The following TRAP1 variants were observed in gnomAD, a reference collection of about 807,000 sequenced individuals.
TRAP1 encodes TNF receptor associated protein 1.
TRAP1 carries 102 observed loss-of-function variants against 89.1 expected under a neutral mutation model. The observed-to-expected ratio is 1.15, with a 90% CI of 0.98 to 1.35. The LOEUF (loss-of-function observed/expected upper bound fraction) is 1.35, where lower values mean the gene tolerates loss of function less well. Ranked by LOEUF, TRAP1 falls within the 40% of genes most tolerant of loss-of-function variation. TRAP1 has a pLI of 0.00. For missense variants in TRAP1, 1,256 were observed against 945.3 expected (o/e 1.33, Z -4.31); for synonymous variants, 508 against 388.0 (o/e 1.31, Z -3.64).
intron 12 of TRAP1, chr16:3,664,696 G>T (rs969930240): frequency 3.9e-6 from 2 of 517,428 alleles, no homozygotes; most frequent in Non-Finnish European, 3.4e-6. Context: ...TGGCCCAGGG[G>T]CTCTCCAGGG....
In TRAP1 at chr16:3,698,033, GA is replaced by G. The variant is rs528194524; in HGVS notation, c.89-7049del. Among the ~76,000 whole-genome samples the G allele has an allele frequency of 8.6e-5, 13 of 151,842 alleles. No individual in the cohort carries two copies. In the South Asian group the frequency reaches 2.7e-3, roughly 32 times the overall value. On this transcript the variant is annotated intron_variant, in intron 1 of 17. Transcript: ENST00000246957. ...TCACCATGTTGGCCAGGATGGTCTC[GA>G]ACTCCTGACCTCGTGATCCGTCTGC...
chr16:3,714,543 C>T (rs1329196043), intron 1 of TRAP1, among the ~76,000 whole-genome samples: 1 of 152,190 alleles, frequency 6.6e-6, no homozygotes, highest in East Asian at 1.9e-4. Context: ...CCTGTAGTCC[C>T]AGCTACGTGG....
intron 1 of TRAP1, among the ~76,000 whole-genome samples, chr16:3,696,982 C>T (rs190939272): frequency 6.6e-6 from 1 of 152,286 alleles, no homozygotes; most frequent in East Asian, 1.9e-4. Flanking sequence ...CGGCCTCTGC[C>T]TCCCAAGCGC....
intron 10 of TRAP1, among the ~76,000 whole-genome samples, chr16:3,672,326 AAAAC>A (rs372750233): frequency 1.2e-4 from 19 of 152,160 alleles, no homozygotes; most frequent in Admixed American, 3.3e-4. Flanking sequence ...CTCGTCTCAA[AAAAC>A]AAACAAACAA....
intron 5 of TRAP1, among the ~76,000 whole-genome samples, chr16:3,678,809 A>G (rs2051035699): frequency 6.6e-6 from 1 of 152,184 alleles, no homozygotes; most frequent in South Asian, 2.1e-4. Context: ...TGCTTTGCCC[A>G]GAGCTGGAAA....
At position 3,675,398 on chromosome 16, in the gene TRAP1, C is replaced by G. The variant is rs770576217; in HGVS notation, c.815-1G>C. Reference sequence around the variant, plus strand: ...AAGTTGCTGTACTTCGTTACCACATCTGGAAGGGACAAAAGAAAAACCACA... The same window carrying G: ...AAGTTGCTGTACTTCGTTACCACATGTGGAAGGGACAAAAGAAAAACCACA... On this transcript the variant is annotated splice_acceptor_variant, in intron 7 of 17. Coordinates refer to ENST00000246957, the MANE Select transcript of TRAP1 (RefSeq NM_016292.3). LOFTEE classifies it high-confidence loss of function. The G allele has an allele frequency of 3.7e-6, 6 of 1,614,050 alleles. No individual in the cohort carries two copies. Among genetic ancestry groups the G allele is most frequent in the East Asian group, 2.2e-5 (1 of 44,876 alleles).
rs1026279421 is a variant in TRAP1 at position 3,665,907 on chromosome 16, A to G, written c.1383+64T>C. 4.5e-6 allele frequency: 7 copies of G among 1,565,134 alleles called. No homozygotes were observed. In the African/African-American group the frequency reaches 9.7e-5, roughly 22 times the overall value. On this transcript the variant is annotated intron_variant, in intron 12 of 17. Transcript: ENST00000246957. ...CGCCACATCAGGGGACACCTCCACC[A>G]GCTTCCTCAGCAGCCCCAGGGACAA...
At chr16:3,689,502 C>G (rs1191188312) in intron 2 of TRAP1, among the ~76,000 whole-genome samples, 1 of 152,084 alleles carries the variant, frequency 6.6e-6, no homozygotes, top group Non-Finnish European at 1.5e-5. Flanking sequence ...CCTCGGCCTC[C>G]CACACATTTA....
At chr16:3,706,669 C>T (rs1314747212) in intron 1 of TRAP1, among the ~76,000 whole-genome samples, 2 of 151,904 alleles carry the variant, frequency 1.3e-5, no homozygotes, top group East Asian at 1.9e-4. Context: ...CTATGTTGTC[C>T]AGGCTGGCAT....
In TRAP1 at chr16:3,689,047, G is replaced by T; in HGVS notation, c.330+8C>A. On this transcript the variant is annotated splice_region_variant and intron_variant, in intron 3 of 17. Coordinates refer to ENST00000246957, the MANE Select transcript of TRAP1 (RefSeq NM_016292.3). ...GCTAGCATCGGGCATGGTTAGCAGG[G>T]AACGCACCTCTTTTTCTGAGTACAG... The T allele has an allele frequency of 6.2e-7, 1 of 1,609,124 alleles. No individual in the cohort carries two copies. Among genetic ancestry groups the T allele is most frequent in the Non-Finnish European group, 8.5e-7 (1 of 1,177,530 alleles).
intron 1 of TRAP1, among the ~76,000 whole-genome samples, chr16:3,714,215 T>G (rs945081935): frequency 2.6e-5 from 4 of 152,190 alleles, no homozygotes; most frequent in Admixed American, 2.6e-4. Context: ...GGTACACTGC[T>G]CAGCAGCCAC....
intron 4 of TRAP1, among the ~76,000 whole-genome samples, chr16:3,683,461 C>T (rs2051099221): frequency 6.6e-6 from 1 of 151,146 alleles, no homozygotes; most frequent in Non-Finnish European, 1.5e-5. Context: ...TCTCAGCTCA[C>T]CACAACCTCC....
chr16:3,703,707 T>G (rs897750183), intron 1 of TRAP1, among the ~76,000 whole-genome samples: 1 of 151,946 alleles, frequency 6.6e-6, no homozygotes, highest in African/African-American at 2.4e-5. Flanking sequence ...ATAAATACCC[T>G]ACTTATAAAA....
chr16:3,678,354 TGCAGC>T (rs1567232431), intron 5 of TRAP1: 2 of 152,276 alleles, frequency 1.3e-5, no homozygotes, highest in African/African-American at 2.4e-5. Flanking sequence ...AACTGCCACA[TGCAGC>T]TGGTGGCCGC....
rs938324687 is a variant in TRAP1 at position 3,685,988 on chromosome 16, G to T, written c.471+8C>A. ...GCCTGCCACACGCCTGGACACTGAG[G>T]GAGGTACCTGGATGGTGATGGTGCC... On this transcript the variant is annotated splice_region_variant and intron_variant, in intron 4 of 17. Coordinates refer to ENST00000246957, the MANE Select transcript of TRAP1 (RefSeq NM_016292.3). The T allele has an allele frequency of 1.2e-6, 2 of 1,613,478 alleles. No individual in the cohort carries two copies. Among genetic ancestry groups the T allele is most frequent in the Non-Finnish European group, 1.7e-6 (2 of 1,179,716 alleles).
chr16:3,672,932 C>A lies in TRAP1; in HGVS notation c.1045-112G>T, dbSNP rs2050934763. The A allele has an allele frequency of 3.5e-6, 5 of 1,413,030 alleles. No homozygotes were observed. The East Asian group carries it at 1.3e-4, about 35-fold the overall frequency. The allele number at this position is 1,413,030 out of a possible 1,614,324, so 87.5% of individuals were successfully genotyped here. A position where few individuals can be genotyped will look rare whatever the true frequency, so the allele number is the denominator to read the frequency against. ...CCAGAGCCCACTCCCGCCTCGCCCT[C>A]CCCCAGCGTCTGCTCTGAGTTGAAG... is the stretch of plus-strand genomic sequence containing the variant. On this transcript the variant is annotated intron_variant, in intron 9 of 17. Coordinates refer to ENST00000246957, the MANE Select transcript of TRAP1 (RefSeq NM_016292.3).
At chr16:3,671,203 C>A (rs1472269480) in intron 11 of TRAP1, among the ~76,000 whole-genome samples, 3 of 152,174 alleles carry the variant, frequency 2.0e-5, no homozygotes, top group Admixed American at 1.3e-4. Flanking sequence ...ATCTACCCCA[C>A]CCTAAACCAT....
At chr16:3,658,307 C>CAAAA in intron 17 of TRAP1, 77 bp from the exon 18 acceptor site, 2 of 1,212,040 alleles carry the variant, frequency 1.7e-6, no homozygotes, top group Non-Finnish European at 2.4e-6. Flanking sequence ...GACAGAGTCT[C>CAAAA]ACTGTTGCCG....
At chr16:3,708,166 C>G (rs1265824581) in intron 1 of TRAP1, among the ~76,000 whole-genome samples, 1 of 152,000 alleles carries the variant, frequency 6.6e-6, no homozygotes, top group African/African-American at 2.4e-5. Context: ...CAACTGCACT[C>G]CAGCCCGGAT....
Sources: gnomAD v4.1 joint callset for allele counts (sites outside exome capture counted in the v4.1 genomes callset) on GRCh38, gnomAD v4.1.1 for gene constraint, MANE v1.5 for transcripts, NCBI Gene and HGNC (gene_info 2026-07-23, HGNC 2026-07-21) for gene names.